CRIM1: variants seen among roughly 807,000 people sequenced by gnomAD.
CRIM1 encodes cysteine rich transmembrane BMP regulator 1.
Under a neutral mutation model 116.4 loss-of-function variants are expected in CRIM1, and 32 were observed. The ratio of observed to expected loss-of-function variants is 0.27; its 90% CI spans 0.21 to 0.37. The LOEUF is 0.37. Among genes scored for constraint, CRIM1 ranks in the 10% least tolerant of loss-of-function variants. The pLI, the probability that CRIM1 is intolerant of heterozygous loss-of-function variation, is 1.00. For missense variants in CRIM1, 1,331 were observed against 1,354.8 expected, an observed-to-expected ratio of 0.98 and a Z score of 0.28; for synonymous variants, 590 against 509.2, an observed-to-expected ratio of 1.16 and a Z score of -2.13.
chr2:36,460,625 C>T (rs1677509168), intron 4 of CRIM1, among the ~76,000 whole-genome samples: 1 of 152,174 alleles, frequency 6.6e-6, no homozygotes, highest in Non-Finnish European at 1.5e-5. Flanking sequence ...CCTGGGGTGG[C>T]CTTTATGAAT....
intron 1 of CRIM1, among the ~76,000 whole-genome samples, chr2:36,357,013 C>T (rs912634461): frequency 6.6e-6 from 1 of 152,180 alleles, no homozygotes; most frequent in African/African-American, 2.4e-5. Context: ...CCCGGCCCTA[C>T]CGCCCTCCCC....
intron 7 of CRIM1, among the ~76,000 whole-genome samples, chr2:36,497,729 G>A (rs2125082172): frequency 6.6e-6 from 1 of 152,296 alleles, no homozygotes; most frequent in South Asian, 2.1e-4. Flanking sequence ...TTTTTACTGG[G>A]AGAATGCTGA....
At chr2:36,379,115 T>G (rs979966732) in intron 1 of CRIM1, 1 of 152,230 alleles carries the variant, frequency 6.6e-6, no homozygotes, top group African/African-American at 2.4e-5. Context: ...TTGTACAAAT[T>G]TTAATAACTT....
intron 13 of CRIM1, among the ~76,000 whole-genome samples, chr2:36,527,190 C>A (rs996827316): frequency 6.0e-5 from 9 of 151,188 alleles, no homozygotes; most frequent in African/African-American, 2.2e-4. Flanking sequence ...AAAATAAATA[C>A]AAGTATATAT....
At position 36,402,355 on chromosome 2, in the gene CRIM1, T is replaced by C. The variant is rs150085655; in HGVS notation, c.505+5568T>C. ...TGACCTGAGGAGAGAGAATTCCATA[T>C]GGACGGAACAGCAACTGCAAAAGCT... is the stretch of plus-strand genomic sequence containing the variant. On this transcript the variant is annotated intron_variant, in intron 2 of 16. Coordinates refer to ENST00000280527, the MANE Select transcript of CRIM1 (RefSeq NM_016441.3). 4.7e-5 allele frequency among the ~76,000 whole-genome samples: 7 copies of C among 148,080 alleles called. No individual in the cohort carries two copies. In the East Asian group the frequency reaches 1.4e-3, roughly 30 times the overall value.
intron 5 of CRIM1, among the ~76,000 whole-genome samples, chr2:36,474,053 A>T (rs763584566): frequency 6.6e-6 from 1 of 152,144 alleles, no homozygotes; most frequent in African/African-American, 2.4e-5. Flanking sequence ...TGGGTGTGAA[A>T]TGGTGTTCAT....
At chr2:36,466,381 T>C (rs1678030970) in intron 5 of CRIM1, among the ~76,000 whole-genome samples, 1 of 152,178 alleles carries the variant, frequency 6.6e-6, no homozygotes, top group Non-Finnish European at 1.5e-5. Flanking sequence ...CTGGTCATTA[T>C]TTAGCCAGTA....
chr2:36,534,429 G>A (rs1234872857), intron 13 of CRIM1, among the ~76,000 whole-genome samples: 1 of 139,628 alleles, frequency 7.2e-6, no homozygotes, highest in East Asian at 2.2e-4. Context: ...AGGAAGGAAG[G>A]GGACAGGAAG....
intron 8 of CRIM1, among the ~76,000 whole-genome samples, chr2:36,499,640 G>C (rs1680848849): frequency 6.6e-6 from 1 of 152,008 alleles, no homozygotes; most frequent in Non-Finnish European, 1.5e-5. Context: ...TCTCCCTTTA[G>C]TACACTTGCC....
intron 8 of CRIM1, among the ~76,000 whole-genome samples, chr2:36,501,641 G>A (rs1681003770): frequency 6.6e-6 from 1 of 152,140 alleles, no homozygotes; most frequent in South Asian, 2.1e-4. Context: ...GCGATCTCTT[G>A]AGCTCGGGAA....
chr2:36,362,761 A>G (rs1319845977), intron 1 of CRIM1, among the ~76,000 whole-genome samples: 4 of 152,186 alleles, frequency 2.6e-5, no homozygotes, highest in Non-Finnish European at 5.9e-5. Flanking sequence ...TTGGGCCCAC[A>G]TGAAAAAAGT....
chr2:36,385,933 A>G (rs1489463328), intron 1 of CRIM1, among the ~76,000 whole-genome samples: 1 of 152,114 alleles, frequency 6.6e-6, no homozygotes, highest in Non-Finnish European at 1.5e-5. Flanking sequence ...AGGGGGTGAA[A>G]TGTGCTTTAT....
At chr2:36,540,436 A>AT (rs1666869247) in intron 14 of CRIM1, among the ~76,000 whole-genome samples, 1 of 152,204 alleles carries the variant, frequency 6.6e-6, no homozygotes, top group Admixed American at 6.5e-5. Context: ...CATGAGCTAG[A>AT]TTTTAAAGGA....
intron 5 of CRIM1, among the ~76,000 whole-genome samples, chr2:36,468,599 A>G (rs1314340879): frequency 2.6e-5 from 4 of 152,252 alleles, no homozygotes; most frequent in African/African-American, 9.6e-5. Context: ...TAGAAATATG[A>G]CCTCCAAAGC....
chr2:36,509,195 A>G (rs1352095732), intron 8 of CRIM1, among the ~76,000 whole-genome samples: 1 of 152,180 alleles, frequency 6.6e-6, no homozygotes, highest in Non-Finnish European at 1.5e-5. Flanking sequence ...TAACACCCAT[A>G]AAAGTAGTTG....
rs76153130 is a variant in CRIM1 at position 36,546,538 on chromosome 2, CTAAT to C, written c.2747-437_2747-434del. ...ATCTAATTAGTCTTAGCTATTAACACTAATTAATTAATAGTAAAAGAACATACTT... is the reference window on the plus strand; with the variant it reads ...ATCTAATTAGTCTTAGCTATTAACACTAATTAATAGTAAAAGAACATACTT... On this transcript the variant is annotated intron_variant, in intron 15 of 16. Transcript: ENST00000280527. Among the ~76,000 whole-genome samples the C allele has an allele frequency of 6.3e-3, 956 of 152,184 alleles. 2 individuals carry two copies. Among genetic ancestry groups the C allele is most frequent in the Non-Finnish European group, 8.8e-3 (597 of 67,986 alleles).
At chr2:36,409,360 T>A (rs950695227) in intron 2 of CRIM1, among the ~76,000 whole-genome samples, 1 of 152,218 alleles carries the variant, frequency 6.6e-6, no homozygotes, top group African/African-American at 2.4e-5. Flanking sequence ...CCCTAGAGTG[T>A]TACCTCTGCC....
intron 1 of CRIM1, among the ~76,000 whole-genome samples, chr2:36,389,118 T>C (rs1473368530): frequency 1.3e-5 from 2 of 150,852 alleles, no homozygotes; most frequent in East Asian, 3.8e-4. Context: ...TTTGTGGAAA[T>C]GTCTGTAAAA....
chr2:36,363,793 A>C (rs1343531882), intron 1 of CRIM1, among the ~76,000 whole-genome samples: 1 of 152,174 alleles, frequency 6.6e-6, no homozygotes, highest in African/African-American at 2.4e-5. Flanking sequence ...CTGAGTGTGC[A>C]CACTGATGAC....
Sources: gnomAD v4.1 joint callset for allele counts (sites outside exome capture counted in the v4.1 genomes callset) on GRCh38, gnomAD v4.1.1 for gene constraint, MANE v1.5 for transcripts, NCBI Gene and HGNC (gene_info 2026-07-23, HGNC 2026-07-21) for gene names.